Variants in KCNB2 observed in about 807,000 individuals in gnomAD.
KCNB2 encodes delayed rectifier potassium channel protein.
KCNB2 carries 15 observed loss-of-function variants against 61.5 expected under a neutral mutation model. The observed-to-expected ratio is 0.24, with a 90% CI of 0.16 to 0.38. KCNB2 has a LOEUF of 0.38. Ranked by LOEUF, KCNB2 falls within the 10% of genes least tolerant of loss-of-function variation. The pLI is 1.00. For missense variants in KCNB2, 828 were observed against 1,125.2 expected, an observed-to-expected ratio of 0.74 and a Z score of 3.78; for synonymous variants, 457 against 446.0, an observed-to-expected ratio of 1.02 and a Z score of -0.31.
chr8:72,811,712 C>G (rs896487762), intron 2 of KCNB2, among the ~76,000 whole-genome samples: 4 of 152,148 alleles, frequency 2.6e-5, no homozygotes, highest in Non-Finnish European at 4.4e-5. Context: ...GCCATTCCAA[C>G]AGGCTGGGAA....
chr8:72,632,447 G>A (rs1159589162), intron 2 of KCNB2, among the ~76,000 whole-genome samples: 3 of 152,126 alleles, frequency 2.0e-5, no homozygotes, highest in Non-Finnish European at 4.4e-5. Context: ...TTGCAAAGGA[G>A]ACTGTTAGTC....
intron 2 of KCNB2, among the ~76,000 whole-genome samples, chr8:72,807,139 G>A (rs1187971620): frequency 1.3e-5 from 2 of 152,164 alleles, no homozygotes; most frequent in Non-Finnish European, 2.9e-5. Context: ...AAACTACCAG[G>A]CCTAAGTATG....
At chr8:72,716,600 C>G (rs922599023) in intron 2 of KCNB2, among the ~76,000 whole-genome samples, 1 of 151,962 alleles carries the variant, frequency 6.6e-6, no homozygotes, top group Non-Finnish European at 1.5e-5. Flanking sequence ...AGGCCTTTAA[C>G]AAAATTCAAC....
intron 2 of KCNB2, among the ~76,000 whole-genome samples, chr8:72,788,335 C>A (rs181614869): frequency 0.016 from 2,478 of 152,170 alleles, 48 homozygotes; most frequent in African/African-American, 0.051. Flanking sequence ...CCTCAGTTTG[C>A]AGATGATGTC....
chr8:72,627,566 A>G (rs943533599), intron 2 of KCNB2, among the ~76,000 whole-genome samples: 2 of 152,144 alleles, frequency 1.3e-5, no homozygotes, highest in African/African-American at 2.4e-5. Context: ...TTTATGCATG[A>G]TTTTTATCCA....
intron 2 of KCNB2, among the ~76,000 whole-genome samples, chr8:72,713,399 G>T (rs993732003): frequency 6.6e-6 from 1 of 152,192 alleles, no homozygotes; most frequent in Non-Finnish European, 1.5e-5. Context: ...CCCTAACTGG[G>T]AGGCACCCCC....
intron 2 of KCNB2, among the ~76,000 whole-genome samples, chr8:72,908,658 T>G (rs1806224769): frequency 1.3e-5 from 2 of 152,212 alleles, no homozygotes; most frequent in Non-Finnish European, 2.9e-5. Flanking sequence ...TCACATTATT[T>G]TGTTGGAAAG....
intron 2 of KCNB2, among the ~76,000 whole-genome samples, chr8:72,618,571 C>A (rs1045531468): frequency 4.6e-5 from 7 of 152,076 alleles, no homozygotes; most frequent in Admixed American, 3.3e-4. Context: ...CTATACACAA[C>A]AAGAAACCAT....
intron 2 of KCNB2, among the ~76,000 whole-genome samples, chr8:72,907,599 G>C (rs1204786690): frequency 6.6e-6 from 1 of 152,128 alleles, no homozygotes; most frequent in Non-Finnish European, 1.5e-5. Flanking sequence ...CAACCTAGAA[G>C]GAATACAGAG....
intron 1 of KCNB2, among the ~76,000 whole-genome samples, chr8:72,551,212 TTTG>T (rs770823609): frequency 5.9e-5 from 9 of 152,148 alleles, no homozygotes; most frequent in South Asian, 2.1e-4. Context: ...TTTGCCCTTT[TTTG>T]TTGTTGTTGT....
At chr8:72,848,348 C>T (rs921207562) in intron 2 of KCNB2, among the ~76,000 whole-genome samples, 3 of 152,170 alleles carry the variant, frequency 2.0e-5, no homozygotes, top group African/African-American at 7.2e-5. Flanking sequence ...ACATACTTTA[C>T]AGCAGTGTTT....
intron 2 of KCNB2, among the ~76,000 whole-genome samples, chr8:72,754,022 C>T (rs539504792): frequency 6.6e-6 from 1 of 152,216 alleles, no homozygotes; most frequent in Admixed American, 6.5e-5. Flanking sequence ...AGAACAGAGT[C>T]TCCCTGGGAA....
chr8:72,550,156 ATT>A (rs1806322380), intron 1 of KCNB2, among the ~76,000 whole-genome samples: 1 of 152,242 alleles, frequency 6.6e-6, no homozygotes, highest in African/African-American at 2.4e-5. Context: ...ATGCTGAACT[ATT>A]TAACTCTTGT....
In KCNB2 at chr8:72,721,542, A is replaced by T. The variant is rs151145046; in HGVS notation, c.579+153229A>T. Among the ~76,000 whole-genome samples, 294 of 152,346 alleles carry T rather than the reference A, an allele frequency of 1.9e-3. 3 individuals carry two copies. The highest frequency in any genetic ancestry group is 6.6e-3 in the African/African-American group (274 of 41,572). On this transcript the variant is annotated intron_variant, in intron 2 of 2. Transcript: ENST00000523207. The stretch of plus-strand genomic sequence containing the variant: ...ATGTAAGAAACAAAAGAAAAATAAG[A>T]TGTCAAAGGCAGAAGGAATGGGAAG...
At chr8:72,935,008 T>C (rs12541189) in intron 2 of KCNB2, among the ~76,000 whole-genome samples, 20,695 of 152,048 alleles carry the variant, frequency 0.14, 3,315 homozygotes, top group East Asian at 0.79. Context: ...TAGTGATGTC[T>C]GTGTACCATG....
In KCNB2 at chr8:72,811,512, G is replaced by A. The variant is rs189742095; in HGVS notation, c.580-124423G>A. Among the ~76,000 whole-genome samples, 1,400 of 152,094 alleles carry A rather than the reference G, an allele frequency of 9.2e-3. 13 individuals carry two copies. The highest frequency in any genetic ancestry group is 0.02 in the Middle Eastern group (6 of 294). Reference sequence around the variant, plus strand: ...CTATCCTAAATGGAGTCTTTTCTTCGATTATGTCTTCTAACATGTATTTAT... The same window carrying A: ...CTATCCTAAATGGAGTCTTTTCTTCAATTATGTCTTCTAACATGTATTTAT... On this transcript the variant is annotated intron_variant, in intron 2 of 2. Coordinates refer to ENST00000523207, the MANE Select transcript of KCNB2 (RefSeq NM_004770.3).
intron 2 of KCNB2, among the ~76,000 whole-genome samples, chr8:72,741,343 TC>T (rs1349657247): frequency 5.3e-5 from 8 of 152,186 alleles, no homozygotes; most frequent in Admixed American, 3.9e-4. Flanking sequence ...CCTTTGATAC[TC>T]AGTTCAAAAT....
At chr8:72,605,309 T>A (rs995991519) in intron 2 of KCNB2, among the ~76,000 whole-genome samples, 6 of 152,186 alleles carry the variant, frequency 3.9e-5, no homozygotes, top group African/African-American at 1.4e-4. Context: ...GCTGGTTATG[T>A]CTGGGCTACA....
Position 72,754,843 on chromosome 8 carries a change from G to A in KCNB2, c.580-181092G>A, listed in dbSNP as rs957905483. ...AATTCCATGAAATTTATATAAGTCC[G>A]CCCTCAAGGAGAGGGAGCAGAACTA... On this transcript the variant is annotated intron_variant, in intron 2 of 2. Transcript: ENST00000523207. Among the ~76,000 whole-genome samples, 10 of 152,096 alleles carry A rather than the reference G, an allele frequency of 6.6e-5. 1 individual carries two copies. Among genetic ancestry groups the A allele is most frequent in the East Asian group, 1.9e-4 (1 of 5,166 alleles).
Sources: gnomAD v4.1 joint callset for allele counts (sites outside exome capture counted in the v4.1 genomes callset) on GRCh38, gnomAD v4.1.1 for gene constraint, MANE v1.5 for transcripts, NCBI Gene and HGNC (gene_info 2026-07-23, HGNC 2026-07-21) for gene names.